MYCBP: variants seen among roughly 807,000 people sequenced by gnomAD.
MYCBP encodes MYC binding protein.
MYCBP carries 5 observed loss-of-function variants against 16.8 expected under a neutral mutation model. The ratio of observed to expected loss-of-function variants is 0.30; its 90% CI spans 0.16 to 0.63. The LOEUF (loss-of-function observed/expected upper bound fraction) is 0.63. Among genes scored for constraint, MYCBP ranks in the 20% least tolerant of loss-of-function variants. The pLI, the probability that MYCBP is intolerant of heterozygous loss-of-function variation, is 0.83. For missense variants in MYCBP, 103 were observed against 121.8 expected (o/e 0.85, Z 0.73); for synonymous variants, 35 against 43.7 (o/e 0.80, Z 0.79).
Position 38,864,473 on chromosome 1 carries a change from A to G in MYCBP, c.*197T>C. ...AGGTTTTGTTCAGGATTTACTTTGG[A>G]TTCTCCTGCTTTAAGACCCAAAGAA... On this transcript the variant is annotated 3_prime_UTR_variant, in exon 5 of 5. Transcript: ENST00000397572. 1 of 609,758 alleles carries G rather than the reference A, an allele frequency of 1.6e-6. No individual in the cohort carries two copies. The highest frequency in any genetic ancestry group is 2.9e-5 in the East Asian group (1 of 34,526). The allele number at this position is 609,758 out of a possible 1,614,324, so 37.8% of individuals were successfully genotyped here.
chr1:38,864,409 A>G lies in MYCBP; in HGVS notation c.*261T>C, dbSNP rs1642295730. The G allele has an allele frequency of 2.0e-6, 1 of 499,846 alleles. No homozygotes were observed. Among genetic ancestry groups the G allele is most frequent in the Non-Finnish European group, 3.6e-6 (1 of 276,312 alleles). The allele number at this position is 499,846 out of a possible 1,614,324, so 31.0% of individuals were successfully genotyped here. A position where few individuals can be genotyped will look rare whatever the true frequency, so the allele number is the denominator to read the frequency against. On this transcript the variant is annotated 3_prime_UTR_variant, in exon 5 of 5. Coordinates refer to ENST00000397572, the MANE Select transcript of MYCBP (RefSeq NM_012333.5). ...ATCATTCCTAATCAGACTAATAAAC[A>G]GAATGTCTTTTAAGGTAATGAGTTA...
In MYCBP at chr1:38,873,064, G is replaced by A. The variant is rs1282083186; in HGVS notation, c.42C>T (p.Phe14=). 1 of 1,571,570 alleles carries A rather than the reference G, an allele frequency of 6.4e-7. No individual in the cohort carries two copies. Among genetic ancestry groups the A allele is most frequent in the South Asian group, 1.2e-5 (1 of 85,536 alleles). ...CCCCCGACTTCTCCAAGTACCTCCG[G>A]AACTGCTCACGCTTCGAGTCGGCGG... ...YKAADSKREQ[F]RRYLEKSGVL... is the part of the protein sequence containing the mutation. Residue 14 remains phenylalanine (F), a synonymous_variant, in exon 2 of 5, where the codon TTC becomes TTT. Coordinates refer to ENST00000397572, the MANE Select transcript of MYCBP (RefSeq NM_012333.5).
At position 38,868,915 on chromosome 1, in the gene MYCBP, A is replaced by C. The variant is rs189183872; in HGVS notation, c.89-1305T>G. Among the ~76,000 whole-genome samples, 1,023 of 152,262 alleles carry C rather than the reference A, an allele frequency of 6.7e-3. 6 individuals carry two copies. The highest frequency in any genetic ancestry group is 0.019 in the Admixed American group (283 of 15,296). ...AGCAAGACTCTGTCTCAAAAACAAA[A>C]AAACAAAACAAACAAACAAAAAAAC... On this transcript the variant is annotated intron_variant, in intron 2 of 4. Coordinates refer to ENST00000397572, the MANE Select transcript of MYCBP (RefSeq NM_012333.5).
rs542711813 is a variant in MYCBP, at chr1:38,869,094, G to GT, written c.89-1485dup. On this transcript the variant is annotated intron_variant, in intron 2 of 4. Transcript: ENST00000397572. The stretch of plus-strand genomic sequence containing the variant: ...GAAATTCATTTGGTTTTTTTTTTTT[G>GT]TTTTTTTTTTTGAGATAGAGTTTTG... Among the ~76,000 whole-genome samples the GT allele has an allele frequency of 3.4e-3, 429 of 126,580 alleles. 3 individuals carry two copies. The highest frequency in any genetic ancestry group is 9.7e-3 in the South Asian group (38 of 3,924). The allele number at this position is 126,580 out of a possible 152,430, so 83.0% of individuals were successfully genotyped here.
At position 38,862,644 on chromosome 1, in the gene MYCBP, T is replaced by C. The variant is rs1273436107; in HGVS notation, c.*2026A>G. Among the ~76,000 whole-genome samples, 2 of 152,236 alleles carry C rather than the reference T, an allele frequency of 1.3e-5. No homozygotes were observed. The highest frequency in any genetic ancestry group is 4.8e-5 in the African/African-American group (2 of 41,466). On this transcript the variant is annotated 3_prime_UTR_variant, in exon 5 of 5. Coordinates refer to ENST00000397572, the MANE Select transcript of MYCBP (RefSeq NM_012333.5). ...TCCATTTTCTCTTCCATGGAGCATCTTGTTGTATTCATCCAAATCCTTGAC... is the reference window on the plus strand; with the variant it reads ...TCCATTTTCTCTTCCATGGAGCATCCTGTTGTATTCATCCAAATCCTTGAC...
At chr1:38,868,475 C>T (rs1346263483) in intron 2 of MYCBP, among the ~76,000 whole-genome samples, 1 of 152,182 alleles carries the variant, frequency 6.6e-6, no homozygotes, top group East Asian at 1.9e-4. Context: ...CATATGAGCA[C>T]TGCCTTGCTC....
chr1:38,872,312 C>T (rs574723958), intron 2 of MYCBP, among the ~76,000 whole-genome samples: 1 of 152,272 alleles, frequency 6.6e-6, no homozygotes, highest in South Asian at 2.1e-4. Flanking sequence ...GTAAACTGTA[C>T]CCTACCCCTT....
In MYCBP at chr1:38,868,695, G is replaced by A. The variant is rs575663173; in HGVS notation, c.89-1085C>T. Among the ~76,000 whole-genome samples, 50 of 152,176 alleles carry A rather than the reference G, an allele frequency of 3.3e-4. 1 individual carries two copies. Among genetic ancestry groups the A allele is most frequent in the African/African-American group, 1.2e-3 (50 of 41,484 alleles). Reference sequence around the variant, plus strand: ...CCAAGGCGGGCAGATCACGAAGTCAGGAGATCAAGACCATCCTGGCTAACA... The same window carrying A: ...CCAAGGCGGGCAGATCACGAAGTCAAGAGATCAAGACCATCCTGGCTAACA... On this transcript the variant is annotated intron_variant, in intron 2 of 4. Coordinates refer to ENST00000397572, the MANE Select transcript of MYCBP (RefSeq NM_012333.5).
intron 4 of MYCBP, among the ~76,000 whole-genome samples, chr1:38,865,501 C>A (rs1349414582): frequency 1.3e-5 from 2 of 152,128 alleles, no homozygotes; most frequent in Admixed American, 1.3e-4. Context: ...TCTCACAGGA[C>A]TTTGAAAAAA....
chr1:38,871,913 C>A (rs1010900718), intron 2 of MYCBP, among the ~76,000 whole-genome samples: 1 of 152,018 alleles, frequency 6.6e-6, no homozygotes, highest in African/African-American at 2.4e-5. Context: ...AAGAAATGAA[C>A]GTAAGGAGTT....
chr1:38,863,743 C>T lies in MYCBP; in HGVS notation c.*927G>A, dbSNP rs985076491. 2 of 152,612 alleles carry T rather than the reference C, an allele frequency of 1.3e-5. No homozygotes were observed. The highest frequency in any genetic ancestry group is 4.8e-5 in the African/African-American group (2 of 41,448). The allele number at this position is 152,612 out of a possible 1,614,324, so 9.5% of individuals were successfully genotyped here. A position where few individuals can be genotyped will look rare whatever the true frequency, so the allele number is the denominator to read the frequency against. ...CCTTATACTTGTCCCACCTACTTCA[C>T]AGGGATAATGAAGATAAAATGAATT... On this transcript the variant is annotated 3_prime_UTR_variant, in exon 5 of 5. Coordinates refer to ENST00000397572, the MANE Select transcript of MYCBP (RefSeq NM_012333.5).
chr1:38,864,583 G>T lies in MYCBP; in HGVS notation c.*87C>A. On this transcript the variant is annotated 3_prime_UTR_variant, in exon 5 of 5. Transcript: ENST00000397572. ...TTAAACATATTAAAAGAGTTCTATA[G>T]CATCTGTTCAGAAAAGATTATATAC... 2 of 1,302,804 alleles carry T rather than the reference G, an allele frequency of 1.5e-6. No homozygotes were observed. The highest frequency in any genetic ancestry group is 1.1e-6 in the Non-Finnish European group (1 of 902,342). 80.7% of individuals were successfully genotyped at this position (1,302,804 alleles called of 1,614,324 possible).
intron 4 of MYCBP, among the ~76,000 whole-genome samples, chr1:38,866,253 G>A (rs988771166): frequency 1.3e-5 from 2 of 151,314 alleles, no homozygotes; most frequent in Non-Finnish European, 2.9e-5. Flanking sequence ...TCTCCATGCT[G>A]GCCAGGCTGA....
chr1:38,870,348 A>T (rs1314955169), intron 2 of MYCBP, among the ~76,000 whole-genome samples: 2 of 151,584 alleles, frequency 1.3e-5, no homozygotes, highest in African/African-American at 4.9e-5. Flanking sequence ...GTCTCGAAAA[A>T]ATATATATAT....
chr1:38,867,516 A>C, intron 3 of MYCBP, 46 bp downstream of exon 3: 4 of 1,500,194 alleles, frequency 2.7e-6, no homozygotes, highest in Non-Finnish European at 3.7e-6. Context: ...CTATCTAAAA[A>C]AATAAGAGTT....
chr1:38,867,093 G>A, intron 3 of MYCBP, 84 bp from the exon 4 acceptor site: 1 of 1,284,676 alleles, frequency 7.8e-7, no homozygotes, highest in Non-Finnish European at 1.1e-6. Context: ...TCCCTGACCA[G>A]AGTCACCCAC....
At chr1:38,867,064 GCA>G (rs1428386867) in intron 3 of MYCBP, 55 bp from the exon 4 acceptor site, 1 of 1,495,916 alleles carries the variant, frequency 6.7e-7, no homozygotes, top group South Asian at 1.2e-5. Flanking sequence ...TAATGAAATA[GCA>G]CAGAGTAGTA....
chr1:38,867,014 T>C lies in MYCBP; in HGVS notation c.138-5A>G. 6.2e-7 allele frequency: 1 copy of C among 1,607,148 alleles called. No individual in the cohort carries two copies. Among genetic ancestry groups the C allele is most frequent in the Non-Finnish European group, 8.5e-7 (1 of 1,175,950 alleles). On this transcript the variant is annotated splice_region_variant and splice_polypyrimidine_tract_variant and intron_variant, in intron 3 of 4. Coordinates refer to ENST00000397572, the MANE Select transcript of MYCBP (RefSeq NM_012333.5). ...CCTAAGTGATGCTTTAAAAAACTAT[T>C]ATCAATGTTAAGAACTTACTTCTTA... is the stretch of plus-strand genomic sequence containing the variant.
At chr1:38,870,634 A>G (rs906953128) in intron 2 of MYCBP, among the ~76,000 whole-genome samples, 14 of 150,222 alleles carry the variant, frequency 9.3e-5, no homozygotes, top group Admixed American at 9.3e-4. Context: ...TCTACTAAAA[A>G]TACAAAAAAT....
Sources: gnomAD v4.1 joint callset for allele counts (sites outside exome capture counted in the v4.1 genomes callset) on GRCh38, gnomAD v4.1.1 for gene constraint, MANE v1.5 for transcripts, NCBI Gene and HGNC (gene_info 2026-07-23, HGNC 2026-07-21) for gene names.